LAPTM5: variants seen among roughly 807,000 people sequenced by gnomAD.
LAPTM5 encodes the protein lysosomal-associated transmembrane protein 5.
Under a neutral mutation model 30.1 loss-of-function variants are expected in LAPTM5, and 11 were observed. That is an observed-to-expected ratio of 0.37 (90% CI 0.23 to 0.60). The LOEUF (loss-of-function observed/expected upper bound fraction) is 0.60, where lower values mean the gene tolerates loss of function less well. Ranked by LOEUF, LAPTM5 falls within the 20% of genes least tolerant of loss-of-function variation. The pLI, the probability that LAPTM5 is intolerant of heterozygous loss-of-function variation, is 0.71. For missense variants in LAPTM5, 324 were observed against 332.5 expected (o/e 0.97, Z 0.20); for synonymous variants, 151 against 137.9 (o/e 1.10, Z -0.67).
In LAPTM5 at chr1:30,738,998, AG is replaced by A; in HGVS notation, c.451del (p.Leu151SerfsTer17). The stretch of plus-strand genomic sequence containing the variant: ...GGGCACTTCCATGTAGGAGCTGCAG[AG>A]GGTCAGGATGCTCAGGCAGAAGTCC... Reference protein sequence around the residue: ...LLDFCLSILTLCSSYMEVPTY... With the variant: ...LLDFCLSILTXCSSYMEVPTY... On this transcript the variant is annotated frameshift_variant, in exon 5 of 8. Coordinates refer to ENST00000294507, the MANE Select transcript of LAPTM5 (RefSeq NM_006762.3). LOFTEE classifies it high-confidence loss of function. The A allele has an allele frequency of 6.2e-7, 1 of 1,608,362 alleles. No individual in the cohort carries two copies. Among genetic ancestry groups the A allele is most frequent in the Non-Finnish European group, 8.5e-7 (1 of 1,177,706 alleles).
At chr1:30,752,439 T>G (rs560636943) in intron 1 of LAPTM5, among the ~76,000 whole-genome samples, 1 of 152,262 alleles carries the variant, frequency 6.6e-6, no homozygotes, top group South Asian at 2.1e-4. Context: ...CTAACCCAGC[T>G]TGACAAACCT....
chr1:30,746,501 C>T lies in LAPTM5; in HGVS notation c.88-3952G>A, dbSNP rs141401901. On this transcript the variant is annotated intron_variant, in intron 1 of 7. Coordinates refer to ENST00000294507, the MANE Select transcript of LAPTM5 (RefSeq NM_006762.3). The surrounding 1 kb of genome is among the most constrained non-coding windows in gnomAD (Gnocchi z 4.0). ...GTCCCCGGTTTCCACCTGGACACAG[C>T]GCTGCCTTCTCCCCAAGCTCTGAGA... 1.3e-3 allele frequency among the ~76,000 whole-genome samples: 196 copies of T among 152,304 alleles called. 4 individuals are homozygous for T. The East Asian group carries it at 0.029, about 22-fold the overall frequency.
chr1:30,755,830 C>T (rs899602937), intron 1 of LAPTM5, among the ~76,000 whole-genome samples: 1 of 152,224 alleles, frequency 6.6e-6, no homozygotes, highest in Non-Finnish European at 1.5e-5. Context: ...GCTCCCTATT[C>T]TCTAAACATC....
intron 1 of LAPTM5, among the ~76,000 whole-genome samples, chr1:30,752,424 C>A (rs77970901): frequency 0.032 from 4,814 of 152,274 alleles, 75 homozygotes; most frequent in Non-Finnish European, 0.036. Flanking sequence ...TCGTGGCCAC[C>A]CCTCCTAACC....
intron 1 of LAPTM5, among the ~76,000 whole-genome samples, chr1:30,750,227 C>T (rs377424747): frequency 4.6e-5 from 7 of 152,160 alleles, no homozygotes; most frequent in African/African-American, 1.4e-4. Context: ...CTGTCATTCT[C>T]CACTTCCTAG....
Position 30,755,864 on chromosome 1 carries a change from C to T in LAPTM5, c.87+1795G>A, listed in dbSNP as rs139296332. Among the ~76,000 whole-genome samples, 1,178 of 152,334 alleles carry T rather than the reference C, an allele frequency of 7.7e-3. 16 individuals carry two copies. Among genetic ancestry groups the T allele is most frequent in the African/African-American group, 0.025 (1,044 of 41,572 alleles). On this transcript the variant is annotated intron_variant, in intron 1 of 7. Transcript: ENST00000294507. Reference sequence around the variant, plus strand: ...TCAGAAGAGCGGCCACCAGGGCCCACAATCCTTCGTGGCAACAACAAGCAA... The same window carrying T: ...TCAGAAGAGCGGCCACCAGGGCCCATAATCCTTCGTGGCAACAACAAGCAA...
At chr1:30,734,305 C>A (rs759669634) in intron 7 of LAPTM5, among the ~76,000 whole-genome samples, 1 of 152,142 alleles carries the variant, frequency 6.6e-6, no homozygotes, top group African/African-American at 2.4e-5. Flanking sequence ...GGGATAGGCA[C>A]GTGGCCCAAG....
intron 1 of LAPTM5, chr1:30,745,919 T>C (rs1304783116): frequency 6.6e-6 from 1 of 152,278 alleles, no homozygotes; most frequent in Admixed American, 6.5e-5. Flanking sequence ...AGAACTCACA[T>C]GTCCTGTGTC....
rs774791340 is a variant in LAPTM5, at chr1:30,739,170, C to T, written c.388-108G>A. ...CTTGAGAGACCGTCTCAGCTACAGA[C>T]ATCAGTGACTCTCGTCCCCTGTGCA... On this transcript the variant is annotated intron_variant, in intron 4 of 7. Coordinates refer to ENST00000294507, the MANE Select transcript of LAPTM5 (RefSeq NM_006762.3). The surrounding 1 kb of genome is among the most constrained non-coding windows in gnomAD (Gnocchi z 4.2). The T allele has an allele frequency of 1.5e-6, 2 of 1,372,918 alleles. No individual in the cohort carries two copies. Among genetic ancestry groups the T allele is most frequent in the African/African-American group, 2.9e-5 (2 of 69,238 alleles). 85.0% of individuals were successfully genotyped at this position (1,372,918 alleles called of 1,614,324 possible).
intron 1 of LAPTM5, among the ~76,000 whole-genome samples, chr1:30,748,726 C>T (rs1049323554): frequency 4.6e-5 from 7 of 152,226 alleles, no homozygotes; most frequent in African/African-American, 1.7e-4. Context: ...CCTGCAGCTC[C>T]CCAGAGCCTG....
intron 7 of LAPTM5, 74 bp from the exon 8 acceptor site, chr1:30,733,991 C>T (rs1157079170): frequency 1.3e-6 from 2 of 1,490,020 alleles, no homozygotes; most frequent in Admixed American, 4.5e-5. Context: ...GTCATGGGAC[C>T]CAAACCCCCA....
At chr1:30,757,547 G>T in intron 1 of LAPTM5, 112 bp downstream of exon 1, 1 of 1,100,996 alleles carries the variant, frequency 9.1e-7, no homozygotes, top group Non-Finnish European at 1.3e-6. Flanking sequence ...CCCCCAGAGA[G>T]GTGGAGAGCA....
At chr1:30,734,424 G>A (rs546691254) in intron 7 of LAPTM5, among the ~76,000 whole-genome samples, 1 of 152,278 alleles carries the variant, frequency 6.6e-6, no homozygotes, top group East Asian at 1.9e-4. Context: ...CACAAGGGAT[G>A]GGCTTCCGGA....
intron 1 of LAPTM5, among the ~76,000 whole-genome samples, chr1:30,755,250 G>T (rs537369191): frequency 6.6e-6 from 1 of 151,876 alleles, no homozygotes; most frequent in South Asian, 2.1e-4. Context: ...GGCAGGGTAG[G>T]GAGATGGGCA....
chr1:30,739,003 C>T lies in LAPTM5; in HGVS notation c.447G>A (p.Leu149=), dbSNP rs1276022288. ...CTTCCATGTAGGAGCTGCAGAGGGT[C>T]AGGATGCTCAGGCAGAAGTCCAGCA... ...LQLLDFCLSI[L]TLCSSYMEVP... The change falls in exon 5 of 8, where the codon CTG becomes CTA. Residue 149 remains leucine, a synonymous_variant. Transcript: ENST00000294507. This position sits in a 1 kb window ranked among gnomAD's most constrained non-coding sequence, Gnocchi z 4.2. 1.9e-6 allele frequency: 3 copies of T among 1,607,544 alleles called. No homozygotes were observed. The highest frequency in any genetic ancestry group is 1.7e-6 in the Non-Finnish European group (2 of 1,177,206).
chr1:30,738,706 A>G (rs936794695), intron 5 of LAPTM5, among the ~76,000 whole-genome samples: 4 of 152,224 alleles, frequency 2.6e-5, no homozygotes, highest in Admixed American at 2.0e-4. Flanking sequence ...CTGCTCCTAC[A>G]GCCACATCTT....
At chr1:30,734,603 C>A (rs1212942626) in intron 7 of LAPTM5, among the ~76,000 whole-genome samples, 1 of 152,218 alleles carries the variant, frequency 6.6e-6, no homozygotes, top group African/African-American at 2.4e-5. Context: ...CACTTGCAAC[C>A]AAAAGTGTCT....
intron 6 of LAPTM5, among the ~76,000 whole-genome samples, chr1:30,735,732 G>A (rs1557459760): frequency 6.6e-6 from 1 of 152,222 alleles, no homozygotes; most frequent in African/African-American, 2.4e-5. Context: ...GTTAGTACAT[G>A]TCCATCAGCT....
intron 1 of LAPTM5, among the ~76,000 whole-genome samples, chr1:30,755,648 C>A (rs1018258880): frequency 2.6e-4 from 39 of 152,292 alleles, no homozygotes; most frequent in Non-Finnish European, 4.4e-4. Context: ...GTGAGGACAT[C>A]GGATGGCACG....
Sources: gnomAD v4.1 joint callset for allele counts (sites outside exome capture counted in the v4.1 genomes callset) on GRCh38, gnomAD v4.1.1 for gene constraint, Gnocchi (gnomAD v3.1) non-coding constraint, MANE v1.5 for transcripts, NCBI Gene and HGNC (gene_info 2026-07-23, HGNC 2026-07-21) for gene names.